SORCS1: variants seen among roughly 807,000 people sequenced by gnomAD.
SORCS1 encodes the protein VPS10 domain-containing receptor SorCS1.
SORCS1 carries 60 observed loss-of-function variants against 146.1 expected under a neutral mutation model. That is an observed-to-expected ratio of 0.41 (90% CI 0.33 to 0.51). SORCS1 has a LOEUF of 0.51. Ranked by LOEUF, SORCS1 falls within the 20% of genes least tolerant of loss-of-function variation. The pLI, the probability that SORCS1 is intolerant of heterozygous loss-of-function variation, is 0.21. For synonymous variants in SORCS1, 637 were observed against 584.0 expected (o/e 1.09, Z -1.31); for missense variants, 1,352 against 1,487.6 (o/e 0.91, Z 1.50).
At chr10:106,927,765 G>C (rs10786996) in intron 2 of SORCS1, among the ~76,000 whole-genome samples, 82,741 of 151,274 alleles carry the variant, frequency 0.55, 23,614 homozygotes, top group Non-Finnish European at 0.63. Context: ...ACAGAGTGTT[G>C]ATTGGTGCAT....
At chr10:107,029,319 A>G (rs1169837263) in intron 1 of SORCS1, among the ~76,000 whole-genome samples, 3 of 152,218 alleles carry the variant, frequency 2.0e-5, no homozygotes, top group Admixed American at 6.5e-5. Context: ...CTCTTTCACT[A>G]GTCAGAAGAA....
At chr10:106,600,411 T>G in intron 23 of SORCS1, 1 of 981,046 alleles carries the variant, frequency 1.0e-6, no homozygotes, top group Non-Finnish European at 1.2e-6. Flanking sequence ...AAAATTTGCA[T>G]AAGAAAACAA....
intron 10 of SORCS1, among the ~76,000 whole-genome samples, chr10:106,680,245 T>C (rs1852335748): frequency 6.6e-6 from 1 of 151,964 alleles, no homozygotes; most frequent in Non-Finnish European, 1.5e-5. Context: ...GTAACAGCAA[T>C]AACAAAGAAA....
intron 2 of SORCS1, among the ~76,000 whole-genome samples, chr10:106,916,389 T>A (rs909553712): frequency 8.6e-5 from 13 of 151,350 alleles, no homozygotes; most frequent in Non-Finnish European, 1.5e-4. Flanking sequence ...CAGGTCCAAT[T>A]TTTTGTTTCT....
intron 1 of SORCS1, among the ~76,000 whole-genome samples, chr10:107,141,162 GA>G (rs1449279994): frequency 1.3e-5 from 2 of 152,142 alleles, no homozygotes; most frequent in African/African-American, 4.8e-5. Flanking sequence ...CAGACTGGTG[GA>G]AAAGCAAGGA....
chr10:107,004,098 C>T (rs1012950368), intron 1 of SORCS1, among the ~76,000 whole-genome samples: 2 of 150,428 alleles, frequency 1.3e-5, no homozygotes, highest in African/African-American at 2.4e-5. Flanking sequence ...ATGGCGTGAA[C>T]CCGGGAGGCG....
In SORCS1 at chr10:106,761,340, C is replaced by T. The variant is rs536094323; in HGVS notation, c.959+248G>A. Among the ~76,000 whole-genome samples, 9 of 152,170 alleles carry T rather than the reference C, an allele frequency of 5.9e-5. No individual in the cohort carries two copies. In the South Asian group the frequency reaches 1.9e-3, roughly 32 times the overall value. On this transcript the variant is annotated intron_variant, in intron 5 of 25. Transcript: ENST00000263054. ...TATAACAAAGCAATTCTCATAAAGC[C>T]CCTGCAGTTCACTAACCTCCATAAT...
chr10:106,671,517 G>A, intron 15 of SORCS1, 150 bp from the exon 16 acceptor site: 4 of 1,051,460 alleles, frequency 3.8e-6, no homozygotes, highest in South Asian at 1.6e-5. Flanking sequence ...TCCTTTTGCG[G>A]TCTAGAGCCC....
chr10:107,099,018 A>G (rs926928150), intron 1 of SORCS1, among the ~76,000 whole-genome samples: 22 of 152,370 alleles, frequency 1.4e-4, no homozygotes, highest in African/African-American at 5.0e-4. Context: ...AAGCTTCTGC[A>G]CTATTATGGT....
At chr10:107,036,853 T>C (rs1384458278) in intron 1 of SORCS1, among the ~76,000 whole-genome samples, 1 of 152,230 alleles carries the variant, frequency 6.6e-6, no homozygotes, top group African/African-American at 2.4e-5. Context: ...TTCTAAAACA[T>C]TTAATTGGAT....
chr10:106,809,835 AT>A (rs1589445568), intron 3 of SORCS1, among the ~76,000 whole-genome samples: 1 of 152,202 alleles, frequency 6.6e-6, no homozygotes, highest in East Asian at 1.9e-4. Flanking sequence ...TTTAAGGCAC[AT>A]CTACTGTTTG....
chr10:106,797,393 T>A (rs1292758055), intron 3 of SORCS1, among the ~76,000 whole-genome samples: 1 of 152,180 alleles, frequency 6.6e-6, no homozygotes. Flanking sequence ...AACTACATGA[T>A]GTTGTTAACT....
intron 9 of SORCS1, among the ~76,000 whole-genome samples, chr10:106,690,368 T>C (rs557406139): frequency 6.6e-6 from 1 of 152,236 alleles, no homozygotes; most frequent in African/African-American, 2.4e-5. Context: ...TTCAACACTC[T>C]AAAGGGTGAC....
At chr10:106,750,424 G>A (rs929854975) in intron 5 of SORCS1, among the ~76,000 whole-genome samples, 2 of 152,094 alleles carry the variant, frequency 1.3e-5, no homozygotes, top group Non-Finnish European at 1.5e-5. Context: ...GCTAATCACA[G>A]GAAAAGATTA....
intron 23 of SORCS1, among the ~76,000 whole-genome samples, chr10:106,602,450 A>C (rs1178105325): frequency 6.6e-6 from 1 of 151,610 alleles, no homozygotes; most frequent in Admixed American, 6.6e-5. Context: ...ATTGAATGAC[A>C]GGGAAGCAAT....
At chr10:106,931,697 G>C (rs1953427962) in intron 2 of SORCS1, among the ~76,000 whole-genome samples, 1 of 152,176 alleles carries the variant, frequency 6.6e-6, no homozygotes, top group African/African-American at 2.4e-5. Flanking sequence ...TAAGAACAGG[G>C]ATAAGTCCTT....
intron 4 of SORCS1, among the ~76,000 whole-genome samples, chr10:106,766,174 C>T (rs781729237): frequency 2.6e-5 from 4 of 152,132 alleles, no homozygotes; most frequent in Non-Finnish European, 5.9e-5. Context: ...GTTGCCTGCC[C>T]ACTCCTCTTT....
chr10:107,066,799 GGAA>G (rs1961910009), intron 1 of SORCS1, among the ~76,000 whole-genome samples: 1 of 152,288 alleles, frequency 6.6e-6, no homozygotes, highest in Middle Eastern at 3.4e-3. Context: ...CCATATAAAT[GGAA>G]GGAAAGGAGA....
At chr10:106,715,921 T>G (rs1855336230) in intron 6 of SORCS1, among the ~76,000 whole-genome samples, 1 of 151,920 alleles carries the variant, frequency 6.6e-6, no homozygotes, top group Non-Finnish European at 1.5e-5. Context: ...CCTGGCTAAT[T>G]TTTGTATTTT....
Sources: gnomAD v4.1 joint callset for allele counts (sites outside exome capture counted in the v4.1 genomes callset) on GRCh38, gnomAD v4.1.1 for gene constraint, MANE v1.5 for transcripts, NCBI Gene and HGNC (gene_info 2026-07-23, HGNC 2026-07-21) for gene names.